Variants in STAT3 observed in about 807,000 individuals in gnomAD.
STAT3 encodes the protein signal transducer and activator of transcription 3, also known as DNA-binding protein APRF.
A neutral mutation model predicts 114.3 loss-of-function variants in STAT3; 7 were observed. The observed-to-expected ratio is 0.06, with a 90% confidence interval of 0.03 to 0.11. STAT3 has a LOEUF of 0.11. Among genes scored for constraint, STAT3 ranks in the 10% least tolerant of loss-of-function variants. STAT3 has a pLI of 1.00. For synonymous variants in STAT3, 331 were observed against 354.5 expected, an observed-to-expected ratio of 0.93 and a Z score of 0.74; for missense variants, 364 against 960.9, an observed-to-expected ratio of 0.38 and a Z score of 8.21.
intron 1 of STAT3, among the ~76,000 whole-genome samples, chr17:42,384,151 C>CG (rs1369411250): frequency 7.4e-6 from 1 of 135,558 alleles, no homozygotes; most frequent in African/African-American, 2.7e-5. Flanking sequence ...TTTTTTGAGA[C>CG]GGAGTCTCGC....
chr17:42,359,887 C>T (rs766366806), intron 1 of STAT3, among the ~76,000 whole-genome samples: 47 of 151,754 alleles, frequency 3.1e-4, no homozygotes, highest in Admixed American at 9.2e-4. Flanking sequence ...GGTGAAACCC[C>T]GTCTCTACTA....
chr17:42,345,219 C>T (rs954587158), intron 4 of STAT3, among the ~76,000 whole-genome samples: 4 of 150,978 alleles, frequency 2.6e-5, no homozygotes, highest in African/African-American at 4.9e-5. Flanking sequence ...GAGCCAAGAT[C>T]GCGCCATTGC....
At chr17:42,360,584 C>T (rs542580358) in intron 1 of STAT3, among the ~76,000 whole-genome samples, 1 of 151,278 alleles carries the variant, frequency 6.6e-6, no homozygotes, top group Non-Finnish European at 1.5e-5. Context: ...GCAGAGGTGG[C>T]AGTGAGCCAA....
intron 1 of STAT3, among the ~76,000 whole-genome samples, chr17:42,368,680 G>T (rs140459767): frequency 2.3e-4 from 35 of 149,786 alleles, no homozygotes; most frequent in African/African-American, 8.3e-4. Context: ...AGCTGGTCTC[G>T]AATTCCTGGC....
chr17:42,335,659 T>G, intron 8 of STAT3, among the ~76,000 whole-genome samples: 1 of 152,224 alleles, frequency 6.6e-6, no homozygotes, highest in African/African-American at 2.4e-5. Context: ...GGCTGACACC[T>G]GTAATCCCAA....
intron 1 of STAT3, among the ~76,000 whole-genome samples, chr17:42,373,435 C>G (rs1404600373): frequency 6.6e-6 from 1 of 150,884 alleles, no homozygotes; most frequent in Non-Finnish European, 1.5e-5. Context: ...ACCTGTAATC[C>G]TAGCTACTTA....
Position 42,339,643 on chromosome 17 carries a change from T to C in STAT3, c.373-234A>G, listed in dbSNP as rs576315796. ...AGAGACCACATGTTCAGCTAAGACATGGTCTATGCCTTCAAAAACCTCATG... is the reference window on the plus strand; with the variant it reads ...AGAGACCACATGTTCAGCTAAGACACGGTCTATGCCTTCAAAAACCTCATG... On this transcript the variant is annotated intron_variant, in intron 4 of 23. Transcript: ENST00000264657. Among the ~76,000 whole-genome samples, 70 of 152,236 alleles carry C rather than the reference T, an allele frequency of 4.6e-4. No individual in the cohort carries two copies. In the South Asian group the frequency reaches 7.5e-3, roughly 16 times the overall value.
chr17:42,317,262 C>A, intron 21 of STAT3, 38 bp from the exon 22 acceptor site: 1 of 1,609,474 alleles, frequency 6.2e-7, no homozygotes. Flanking sequence ...CTGACTGTGA[C>A]TTCGCATTCA....
chr17:42,361,955 G>A (rs1342741695), intron 1 of STAT3, among the ~76,000 whole-genome samples: 2 of 152,186 alleles, frequency 1.3e-5, no homozygotes, highest in African/African-American at 2.4e-5. Context: ...TCCATCTTCT[G>A]TGACATTACA....
chr17:42,366,617 G>A (rs2083806522), intron 1 of STAT3, among the ~76,000 whole-genome samples: 1 of 136,814 alleles, frequency 7.3e-6, no homozygotes, highest in Admixed American at 8.4e-5. Context: ...GTTGTAGTAA[G>A]CTGAGATTGC....
Position 42,337,741 on chromosome 17 carries a change from G to A in STAT3, c.645+22C>T. 1 of 1,614,032 alleles carries A rather than the reference G, an allele frequency of 6.2e-7. No individual in the cohort carries two copies. Among genetic ancestry groups the A allele is most frequent in the South Asian group, 1.1e-5 (1 of 91,070 alleles). On this transcript the variant is annotated intron_variant, in intron 7 of 23. Transcript: ENST00000264657. This position sits in a 1 kb window ranked among gnomAD's most constrained non-coding sequence, Gnocchi z 4.0. The stretch of plus-strand genomic sequence containing the variant: ...CAAGTGAGCGAGACACATGGGGGAA[G>A]TGGTCCGACCTATGCCCTTACTCTC...
At chr17:42,361,846 T>C (rs1040030999) in intron 1 of STAT3, among the ~76,000 whole-genome samples, 16 of 152,184 alleles carry the variant, frequency 1.1e-4, no homozygotes, top group African/African-American at 3.9e-4. Context: ...GATAGTTTGA[T>C]TTACATTTCA....
chr17:42,358,921 G>A, intron 1 of STAT3, among the ~76,000 whole-genome samples: 1 of 129,058 alleles, frequency 7.7e-6, no homozygotes, highest in East Asian at 2.3e-4. Context: ...TCCCTTTCAT[G>A]GACATTTCTT....
chr17:42,366,221 C>G (rs568330814), intron 1 of STAT3, among the ~76,000 whole-genome samples: 45 of 152,284 alleles, frequency 3.0e-4, no homozygotes, highest in African/African-American at 1.1e-3. Context: ...CTCCTCCAGT[C>G]TCCCCCATTC....
chr17:42,344,552 T>TA (rs200065380), intron 4 of STAT3, among the ~76,000 whole-genome samples: 9 of 149,740 alleles, frequency 6.0e-5, no homozygotes, highest in South Asian at 2.1e-4. Flanking sequence ...CCATCTCTAC[T>TA]AAAAAAAATA....
In STAT3 at chr17:42,318,045, C is replaced by A. The variant is rs139573330; in HGVS notation, c.2102-821G>T. Among the ~76,000 whole-genome samples the A allele has an allele frequency of 3.8e-3, 575 of 152,250 alleles. 4 individuals carry two copies. The highest frequency in any genetic ancestry group is 6.6e-3 in the Non-Finnish European group (450 of 68,022). ...CTCGGTTACCGCAACCTCCTACTCC[C>A]AGGTCAAAACGATTCTCCTGCCTTA... On this transcript the variant is annotated intron_variant, in intron 21 of 23. Transcript: ENST00000264657.
At chr17:42,329,511 G>T (rs2293152) in intron 13 of STAT3, 43 bp downstream of exon 13, 15 of 1,613,982 alleles carry the variant, frequency 9.3e-6, no homozygotes, top group South Asian at 5.5e-5. Context: ...AGCCCTCTCC[G>T]GCAGCCAGAG....
intron 1 of STAT3, among the ~76,000 whole-genome samples, chr17:42,376,926 C>T (rs2084504200): frequency 6.6e-6 from 1 of 152,052 alleles, no homozygotes; most frequent in Non-Finnish European, 1.5e-5. Context: ...TTTAATTATC[C>T]CCAAGTTAAT....
At chr17:42,332,073 G>A (rs546379573) in intron 10 of STAT3, among the ~76,000 whole-genome samples, 88 of 151,710 alleles carry the variant, frequency 5.8e-4, no homozygotes, top group African/African-American at 2.0e-3. Flanking sequence ...GATTACAGGC[G>A]CGCGCCACCA....
Sources: allele counts gnomAD v4.1 joint callset (sites outside exome capture counted in the v4.1 genomes callset), GRCh38; gene constraint gnomAD v4.1.1; non-coding constraint Gnocchi (gnomAD v3.1); transcripts MANE v1.5; gene names NCBI Gene and HGNC (gene_info 2026-07-23, HGNC 2026-07-21).